The following DGKI variants were observed in gnomAD, a reference collection of about 807,000 sequenced individuals.
DGKI encodes diacylglycerol kinase iota, also known as DAG kinase iota.
A neutral mutation model predicts 147.5 loss-of-function variants in DGKI; 55 were observed. The ratio of observed to expected loss-of-function variants is 0.37; its 90% CI spans 0.30 to 0.47. DGKI has a LOEUF of 0.47. DGKI is among the 20% of genes least tolerant of loss of function. The pLI, the probability that DGKI is intolerant of heterozygous loss-of-function variation, is 1.00. For missense variants in DGKI, 1,007 were observed against 1,323.8 expected, an observed-to-expected ratio of 0.76 and a Z score of 3.71; for synonymous variants, 469 against 477.1, an observed-to-expected ratio of 0.98 and a Z score of 0.22.
At chr7:137,631,924 C>T (rs1585307088) in intron 6 of DGKI, among the ~76,000 whole-genome samples, 2 of 152,316 alleles carry the variant, frequency 1.3e-5, no homozygotes, top group East Asian at 3.9e-4. Flanking sequence ...AAGAAATGTG[C>T]TGGTGAGAAG....
intron 30 of DGKI, among the ~76,000 whole-genome samples, chr7:137,406,799 G>T (rs1385908011): frequency 6.6e-6 from 1 of 151,856 alleles, no homozygotes; most frequent in Non-Finnish European, 1.5e-5. Context: ...GCCTGCAATT[G>T]CTTGAAAACA....
chr7:137,462,731 T>A (rs77113430), intron 27 of DGKI, among the ~76,000 whole-genome samples: 1,880 of 152,332 alleles, frequency 0.012, 38 homozygotes, highest in African/African-American at 0.043. Flanking sequence ...GAAACCAGCC[T>A]AATTTCATGA....
At chr7:137,472,154 T>C (rs1311175357) in intron 23 of DGKI, among the ~76,000 whole-genome samples, 1 of 121,736 alleles carries the variant, frequency 8.2e-6, no homozygotes, top group African/African-American at 3.2e-5. Flanking sequence ...TATATACATA[T>C]AAATATTATA....
chr7:137,797,459 T>A (rs1240283636), intron 1 of DGKI, among the ~76,000 whole-genome samples: 1 of 152,172 alleles, frequency 6.6e-6, no homozygotes, highest in Non-Finnish European at 1.5e-5. Flanking sequence ...GGAAACAGCA[T>A]AAACCAATAA....
intron 5 of DGKI, among the ~76,000 whole-genome samples, chr7:137,645,948 C>T (rs1821810216): frequency 6.6e-6 from 1 of 152,188 alleles, no homozygotes; most frequent in Admixed American, 6.5e-5. Flanking sequence ...CATGCCCTCC[C>T]TCCACGTCTT....
intron 1 of DGKI, among the ~76,000 whole-genome samples, chr7:137,836,718 T>C (rs1798393769): frequency 6.6e-6 from 1 of 152,214 alleles, no homozygotes; most frequent in Admixed American, 6.5e-5. Context: ...GGAAAATTCA[T>C]ATAGTTTTTA....
chr7:137,782,688 C>T (rs1303941925), intron 1 of DGKI, among the ~76,000 whole-genome samples: 3 of 152,218 alleles, frequency 2.0e-5, no homozygotes, highest in Non-Finnish European at 4.4e-5. Context: ...CCAACCAACA[C>T]AAAACCAGTG....
At chr7:137,517,633 G>A (rs1396575151) in intron 21 of DGKI, among the ~76,000 whole-genome samples, 1 of 152,092 alleles carries the variant, frequency 6.6e-6, no homozygotes, top group African/African-American at 2.4e-5. Context: ...ACTGGGGGAG[G>A]AATGCACAGG....
Position 137,655,668 on chromosome 7 carries a change from C to T in DGKI, c.681+798G>A, listed in dbSNP as rs73444548. Among the ~76,000 whole-genome samples the T allele has an allele frequency of 6.8e-3, 1,036 of 152,302 alleles. 10 individuals are homozygous for T. Among genetic ancestry groups the T allele is most frequent in the African/African-American group, 0.024 (998 of 41,568 alleles). On this transcript the variant is annotated intron_variant, in intron 4 of 32. Coordinates refer to ENST00000614521, the MANE Select transcript of DGKI (RefSeq NM_001321708.2). ...GGCAGAAAAGAAAATATTAAGATAA[C>T]ATGTTGGTAGTCATTGCCACAAGAT...
chr7:137,835,298 T>C (rs114887364), intron 1 of DGKI, among the ~76,000 whole-genome samples: 1,701 of 152,236 alleles, frequency 0.011, 35 homozygotes, highest in African/African-American at 0.037. Flanking sequence ...GCTGCCCCTG[T>C]GAACCGTGTG....
At chr7:137,434,909 A>C (rs1813224499) in intron 28 of DGKI, among the ~76,000 whole-genome samples, 1 of 152,156 alleles carries the variant, frequency 6.6e-6, no homozygotes, top group African/African-American at 2.4e-5. Flanking sequence ...ACTAAGAAAA[A>C]ATATGCTATC....
chr7:137,583,897 T>C (rs1212639275), intron 14 of DGKI, among the ~76,000 whole-genome samples: 1 of 152,160 alleles, frequency 6.6e-6, no homozygotes, highest in Non-Finnish European at 1.5e-5. Flanking sequence ...GCAATCATGA[T>C]ATCTACTAGA....
chr7:137,581,357 T>C (rs1195373927), intron 15 of DGKI, among the ~76,000 whole-genome samples: 1 of 152,128 alleles, frequency 6.6e-6, no homozygotes, highest in Non-Finnish European at 1.5e-5. Context: ...ATAGCTCCTC[T>C]ATTGTTCTAA....
chr7:137,548,411 C>A (rs1585219626), intron 20 of DGKI, among the ~76,000 whole-genome samples: 1 of 152,228 alleles, frequency 6.6e-6, no homozygotes, highest in Admixed American at 6.5e-5. Flanking sequence ...GGGGGCAGAT[C>A]CCTCATAAAT....
intron 20 of DGKI, among the ~76,000 whole-genome samples, chr7:137,528,823 G>A (rs557376372): frequency 6.6e-6 from 1 of 152,170 alleles, no homozygotes; most frequent in South Asian, 2.1e-4. Flanking sequence ...CTTTGTTCAG[G>A]CTACCTTAAT....
At chr7:137,842,204 G>T (rs1054208268) in intron 1 of DGKI, among the ~76,000 whole-genome samples, 50 of 152,164 alleles carry the variant, frequency 3.3e-4, no homozygotes, top group Non-Finnish European at 6.9e-4. Flanking sequence ...CAGGAGAAAA[G>T]TTCCCCCATA....
At chr7:137,633,169 G>A (rs542807768) in intron 6 of DGKI, among the ~76,000 whole-genome samples, 12 of 138,894 alleles carry the variant, frequency 8.6e-5, no homozygotes, top group South Asian at 6.8e-4. Flanking sequence ...CTGAGATTGC[G>A]CCATTGCACT....
At chr7:137,486,362 A>G (rs1815559843) in intron 22 of DGKI, among the ~76,000 whole-genome samples, 1 of 152,112 alleles carries the variant, frequency 6.6e-6, no homozygotes, top group South Asian at 2.1e-4. Flanking sequence ...TTTTAAAAAA[A>G]GGTAAAAAGG....
rs553350864 is a variant in DGKI, at chr7:137,458,456, T to C, written c.2735+5033A>G. Among the ~76,000 whole-genome samples, 12 of 152,234 alleles carry C rather than the reference T, an allele frequency of 7.9e-5. No homozygotes were observed. The South Asian group carries it at 1.2e-3, about 16-fold the overall frequency. On this transcript the variant is annotated intron_variant, in intron 27 of 32. Transcript: ENST00000614521. ...CTTTCAGGACTAGGACTTGGGGACA[T>C]TGAGAAAAAGTACAACTCTTTCAGT...
Sources: allele counts gnomAD v4.1 joint callset (sites outside exome capture counted in the v4.1 genomes callset), GRCh38; gene constraint gnomAD v4.1.1; transcripts MANE v1.5; gene names NCBI Gene and HGNC (gene_info 2026-07-23, HGNC 2026-07-21).